Variants in NME7 observed in about 807,000 individuals in gnomAD.
The protein encoded by NME7 is NME/NM23 family member 7, also known as nucleoside diphosphate kinase 7.
A neutral mutation model predicts 49.1 loss-of-function variants in NME7; 41 were observed. The observed-to-expected ratio is 0.83, with a 90% CI of 0.65 to 1.08. The LOEUF (loss-of-function observed/expected upper bound fraction) is 1.08, where lower values mean the gene tolerates loss of function less well. Ranked by LOEUF, NME7 falls within the 50% of genes least tolerant of loss-of-function variation. The probability of loss-of-function intolerance (pLI) is 0.00; values close to 1 mark genes in which losing one functional copy is unlikely to be tolerated. For synonymous variants in NME7, 139 were observed against 150.6 expected, an observed-to-expected ratio of 0.92 and a Z score of 0.56; for missense variants, 423 against 463.4, an observed-to-expected ratio of 0.91 and a Z score of 0.80.
At chr1:169,139,391 T>A (rs188144991) in intron 11 of NME7, among the ~76,000 whole-genome samples, 26 of 152,326 alleles carry the variant, frequency 1.7e-4, no homozygotes, top group Non-Finnish European at 2.9e-4. Flanking sequence ...TAAAGACATA[T>A]CACTTTGTTA....
intron 10 of NME7, among the ~76,000 whole-genome samples, chr1:169,220,012 C>T (rs951497093): frequency 6.6e-6 from 1 of 152,086 alleles, no homozygotes; most frequent in Non-Finnish European, 1.5e-5. Context: ...TTTGGTTTGC[C>T]TCCTTCATGA....
At chr1:169,202,416 G>C (rs940963469) in intron 10 of NME7, among the ~76,000 whole-genome samples, 3 of 152,126 alleles carry the variant, frequency 2.0e-5, no homozygotes, top group Non-Finnish European at 4.4e-5. Context: ...TTTGCCTTTT[G>C]ACATAACAGT....
At chr1:169,228,045 C>T (rs920454933) in intron 10 of NME7, among the ~76,000 whole-genome samples, 4 of 76,950 alleles carry the variant, frequency 5.2e-5, no homozygotes, top group African/African-American at 1.1e-4. Context: ...TGTGTATACA[C>T]ACACACACAC....
intron 10 of NME7, among the ~76,000 whole-genome samples, chr1:169,179,183 T>C (rs778044142): frequency 5.9e-5 from 9 of 152,174 alleles, no homozygotes; most frequent in Non-Finnish European, 1.2e-4. Flanking sequence ...ATCTAATACA[T>C]GTGGCCAAAA....
At chr1:169,169,358 T>A in intron 11 of NME7, 89 bp downstream of exon 11, 1 of 1,180,804 alleles carries the variant, frequency 8.5e-7, no homozygotes. Context: ...AGTATAACAA[T>A]AAAACAAAAA....
chr1:169,362,721 G>C (rs546444362), intron 1 of NME7, among the ~76,000 whole-genome samples: 25 of 152,290 alleles, frequency 1.6e-4, no homozygotes, highest in African/African-American at 5.8e-4. Context: ...ACACAGAGAA[G>C]GGACATCTGT....
intron 3 of NME7, chr1:169,322,415 T>C (rs1651881187): frequency 6.6e-6 from 1 of 152,182 alleles, no homozygotes; most frequent in Non-Finnish European, 1.5e-5. Context: ...AAACTCTTCC[T>C]TTAGACATAC....
At chr1:169,354,678 A>G (rs1200121789) in intron 1 of NME7, among the ~76,000 whole-genome samples, 1 of 145,462 alleles carries the variant, frequency 6.9e-6, no homozygotes, top group Non-Finnish European at 1.5e-5. Flanking sequence ...ATATATTTAT[A>G]AATATTATAT....
At chr1:169,273,345 T>C (rs888395019) in intron 7 of NME7, among the ~76,000 whole-genome samples, 1 of 132,554 alleles carries the variant, frequency 7.5e-6, no homozygotes, top group East Asian at 2.0e-4. Context: ...TTGCTGAGAA[T>C]GACAGTTTCC....
intron 7 of NME7, among the ~76,000 whole-genome samples, chr1:169,266,399 T>A (rs1437433021): frequency 7.5e-6 from 1 of 132,848 alleles, no homozygotes; most frequent in Non-Finnish European, 1.8e-5. Context: ...AAATTCAGCA[T>A]CCCCTCATGT....
chr1:169,309,202 GTTC>G (rs1651291381), intron 4 of NME7, among the ~76,000 whole-genome samples: 1 of 152,100 alleles, frequency 6.6e-6, no homozygotes, highest in Non-Finnish European at 1.5e-5. Context: ...GTGTCTTATT[GTTC>G]TTTTCTTTCT....
chr1:169,285,501 G>C (rs1386444387), intron 7 of NME7: 1 of 151,996 alleles, frequency 6.6e-6, no homozygotes, highest in Non-Finnish European at 1.5e-5. Context: ...TGACTTTTTT[G>C]TGGCTATTGC....
intron 7 of NME7, among the ~76,000 whole-genome samples, chr1:169,253,583 G>C (rs1339559912): frequency 3.5e-4 from 54 of 152,158 alleles, no homozygotes; most frequent in Admixed American, 3.5e-3. Flanking sequence ...GCCCGGGCCA[G>C]AATTTCAAAC....
chr1:169,230,160 C>T (rs567738671), intron 10 of NME7, among the ~76,000 whole-genome samples: 3 of 152,160 alleles, frequency 2.0e-5, no homozygotes, highest in South Asian at 2.1e-4. Context: ...TTTATCATAG[C>T]GTTCTAATGC....
intron 10 of NME7, among the ~76,000 whole-genome samples, chr1:169,174,276 T>G (rs1047236254): frequency 6.6e-6 from 1 of 152,226 alleles, no homozygotes. Flanking sequence ...AATGTCACTG[T>G]TTATTGAATA....
At chr1:169,302,598 C>T (rs1161528146) in intron 5 of NME7, among the ~76,000 whole-genome samples, 2 of 152,034 alleles carry the variant, frequency 1.3e-5, no homozygotes, top group Admixed American at 1.3e-4. Flanking sequence ...ACAACAGACA[C>T]TGGGGACTAC....
intron 7 of NME7, chr1:169,286,572 T>A (rs969251183): frequency 6.6e-6 from 1 of 152,122 alleles, no homozygotes; most frequent in East Asian, 1.9e-4. Context: ...TATGCAAACA[T>A]GTATATACAT....
At chr1:169,152,087 G>A (rs1658930226) in intron 11 of NME7, among the ~76,000 whole-genome samples, 1 of 152,094 alleles carries the variant, frequency 6.6e-6, no homozygotes, top group Non-Finnish European at 1.5e-5. Flanking sequence ...ACTTAGCTGG[G>A]ATATCATTTA....
intron 11 of NME7, among the ~76,000 whole-genome samples, chr1:169,139,388 AT>A (rs2101807348): frequency 6.6e-6 from 1 of 152,332 alleles, no homozygotes; most frequent in East Asian, 1.9e-4. Flanking sequence ...GCCTAAAGAC[AT>A]ATCACTTTGT....
Sources: allele counts gnomAD v4.1 joint callset (sites outside exome capture counted in the v4.1 genomes callset), GRCh38; gene constraint gnomAD v4.1.1; transcripts MANE v1.5; gene names NCBI Gene and HGNC (gene_info 2026-07-23, HGNC 2026-07-21).